Variants in VAV3 observed in about 807,000 individuals in gnomAD.
The protein encoded by VAV3 is vav guanine nucleotide exchange factor 3.
Under a neutral mutation model 131.2 loss-of-function variants are expected in VAV3, and 94 were observed. The observed-to-expected ratio is 0.72, with a 90% confidence interval of 0.61 to 0.85. VAV3 has a LOEUF of 0.85. VAV3 is among the 40% of genes least tolerant of loss of function. The pLI is 0.00. For missense variants in VAV3, 939 were observed against 1,002.7 expected (o/e 0.94, Z 0.86); for synonymous variants, 349 against 342.0 (o/e 1.02, Z -0.22).
chr1:107,820,698 T>C (rs1048964844), intron 2 of VAV3: 3 of 152,152 alleles, frequency 2.0e-5, no homozygotes, highest in Non-Finnish European at 4.4e-5. Context: ...TTAAGCCTTA[T>C]AGGTCTGTAT....
chr1:107,809,024 A>C (rs546629615), intron 2 of VAV3, among the ~76,000 whole-genome samples: 5 of 152,198 alleles, frequency 3.3e-5, no homozygotes, highest in Non-Finnish European at 5.9e-5. Context: ...AACTATTCAC[A>C]AGGCTGAGCG....
Position 107,843,486 on chromosome 1 carries a change from C to T in VAV3, c.321+31415G>A, listed in dbSNP as rs1210551734. On this transcript the variant is annotated intron_variant, in intron 2 of 26. Coordinates refer to ENST00000370056, the MANE Select transcript of VAV3 (RefSeq NM_006113.5). ...TCACTAATCATCTATAGACTTTTGTCTTAGAATTACACTGTTGAGATTAAA... is the reference window on the plus strand; with the variant it reads ...TCACTAATCATCTATAGACTTTTGTTTTAGAATTACACTGTTGAGATTAAA... Among the ~76,000 whole-genome samples the T allele has an allele frequency of 2.7e-5, 4 of 148,002 alleles. No individual in the cohort carries two copies. In the East Asian group the frequency reaches 7.9e-4, roughly 29 times the overall value.
At chr1:107,624,504 T>C (rs1557712415) in intron 20 of VAV3, among the ~76,000 whole-genome samples, 1 of 151,948 alleles carries the variant, frequency 6.6e-6, no homozygotes, top group Non-Finnish European at 1.5e-5. Flanking sequence ...ACCCACGTTG[T>C]TACTCAATAC....
intron 2 of VAV3, among the ~76,000 whole-genome samples, chr1:107,790,412 T>G (rs1193964031): frequency 1.3e-5 from 2 of 151,848 alleles, no homozygotes; most frequent in African/African-American, 4.8e-5. Flanking sequence ...CATGGCAGAG[T>G]TGGGAATCAG....
At chr1:107,900,766 A>G (rs1158928554) in intron 1 of VAV3, among the ~76,000 whole-genome samples, 1 of 149,960 alleles carries the variant, frequency 6.7e-6, no homozygotes, top group Admixed American at 6.6e-5. Context: ...AGGTTATTGC[A>G]TCACAATAGG....
intron 20 of VAV3, among the ~76,000 whole-genome samples, chr1:107,627,272 A>G (rs1052418989): frequency 2.0e-5 from 3 of 152,164 alleles, no homozygotes; most frequent in African/African-American, 7.2e-5. Flanking sequence ...GTCTTCCTCA[A>G]TCAAACCTGC....
At chr1:107,724,720 C>G (rs545541968) in intron 15 of VAV3, among the ~76,000 whole-genome samples, 1 of 152,046 alleles carries the variant, frequency 6.6e-6, no homozygotes, top group South Asian at 2.1e-4. Flanking sequence ...GAGAACAGAT[C>G]CCGAGCCAGT....
At chr1:107,622,647 G>T (rs1653695363) in intron 20 of VAV3, among the ~76,000 whole-genome samples, 1 of 152,172 alleles carries the variant, frequency 6.6e-6, no homozygotes, top group African/African-American at 2.4e-5. Flanking sequence ...ATGAACGATT[G>T]GAAATTCTCC....
At chr1:107,922,966 A>AG (rs1672983198) in intron 1 of VAV3, among the ~76,000 whole-genome samples, 2 of 15,178 alleles carry the variant, frequency 1.3e-4, no homozygotes, top group African/African-American at 2.0e-4. Flanking sequence ...AAAAAAAAGA[A>AG]AAAAAAAAAA....
chr1:107,889,317 T>C (rs572523725), intron 1 of VAV3, among the ~76,000 whole-genome samples: 1 of 152,216 alleles, frequency 6.6e-6, no homozygotes, highest in African/African-American at 2.4e-5. Context: ...AGAGAATGAC[T>C]ATCACTACCC....
At chr1:107,627,432 G>T (rs1330873236) in intron 20 of VAV3, among the ~76,000 whole-genome samples, 1 of 152,104 alleles carries the variant, frequency 6.6e-6, no homozygotes, top group Non-Finnish European at 1.5e-5. Flanking sequence ...ATGAGAATTG[G>T]GAAGGCAGAA....
chr1:107,781,988 CTGGAAT>C (rs1665716555), intron 2 of VAV3, among the ~76,000 whole-genome samples: 2 of 152,178 alleles, frequency 1.3e-5, no homozygotes, highest in African/African-American at 2.4e-5. Flanking sequence ...TGGGGAGGTT[CTGGAAT>C]AATCAGTACA....
rs548102174 is a variant in VAV3, at chr1:107,874,994, C to T, written c.228G>A (p.Arg76=). 12 of 1,613,168 alleles carry T rather than the reference C, an allele frequency of 7.4e-6. No individual in the cohort carries two copies. In the African/African-American group the frequency reaches 8.0e-5, roughly 11 times the overall value. Residue 76 remains arginine, a synonymous_variant, in exon 2 of 27, where the codon AGG becomes AGA. Coordinates refer to ENST00000370056, the MANE Select transcript of VAV3 (RefSeq NM_006113.5). ...MSQFLCLKNI[R]TFLTACCETF... ...TCTCACAACAGGCCGTGAGAAATGT[C>T]CTTATGTTCTTCAAACAGAGAAACT...
chr1:107,856,385 T>C (rs749710401), intron 2 of VAV3, among the ~76,000 whole-genome samples: 2 of 152,212 alleles, frequency 1.3e-5, no homozygotes, highest in Non-Finnish European at 2.9e-5. Flanking sequence ...AATTTTTACA[T>C]AGCAATTTTC....
rs1311828691 is a variant in VAV3, at chr1:107,578,702, G to A, written c.2351-4504C>T. ...CGGCTCACTGCAAGCTCCGCCTCCCGGGTTCACGCCATTCTCCTGCCTCAG... is the reference window on the plus strand; with the variant it reads ...CGGCTCACTGCAAGCTCCGCCTCCCAGGTTCACGCCATTCTCCTGCCTCAG... On this transcript the variant is annotated intron_variant, in intron 25 of 26. Coordinates refer to ENST00000370056, the MANE Select transcript of VAV3 (RefSeq NM_006113.5). 19 of 891,394 alleles carry A rather than the reference G, an allele frequency of 2.1e-5. No homozygotes were observed. The East Asian group carries it at 1.8e-3, about 84-fold the overall frequency. The allele number at this position is 891,394 out of a possible 1,614,324, so 55.2% of individuals were successfully genotyped here. A position where few individuals can be genotyped will look rare whatever the true frequency, so the allele number is the denominator to read the frequency against.
At chr1:107,903,866 A>G (rs1671983859) in intron 1 of VAV3, among the ~76,000 whole-genome samples, 1 of 152,048 alleles carries the variant, frequency 6.6e-6, no homozygotes, top group Non-Finnish European at 1.5e-5. Flanking sequence ...GTCATTCTTG[A>G]CCCCTTGTTC....
intron 15 of VAV3, among the ~76,000 whole-genome samples, chr1:107,716,992 T>C (rs759986100): frequency 1.3e-5 from 2 of 152,218 alleles, no homozygotes; most frequent in African/African-American, 2.4e-5. Context: ...CAGGAATTTA[T>C]CCATTTCTTC....
intron 1 of VAV3, among the ~76,000 whole-genome samples, chr1:107,920,257 A>ATT (rs1672831360): frequency 6.6e-6 from 1 of 152,228 alleles, no homozygotes; most frequent in Non-Finnish European, 1.5e-5. Context: ...CCATCTAAAG[A>ATT]TTTGCTTAAA....
In VAV3 at chr1:107,777,295, G is replaced by T; in HGVS notation, c.382C>A (p.Pro128Thr). 1 of 1,613,714 alleles carries T rather than the reference G, an allele frequency of 6.2e-7. No individual in the cohort carries two copies. The highest frequency in any genetic ancestry group is 8.5e-7 in the Non-Finnish European group (1 of 1,179,894). Reference protein sequence around the residue: ...TPIALATGIRPFPTEESINDE... With the variant: ...TPIALATGIRTFPTEESINDE... ...TTAATGCTTTCTTCTGTTGGGAAGG[G>T]CCTAGGAAGAGGAGAAAAAACAAAA... Residue 128 changes from proline (P) to threonine (T), a missense_variant and splice_region_variant, in exon 4 of 27, where the codon CCC becomes ACC. Coordinates refer to ENST00000370056, the MANE Select transcript of VAV3 (RefSeq NM_006113.5).
Sources: allele counts gnomAD v4.1 joint callset (sites outside exome capture counted in the v4.1 genomes callset), GRCh38; gene constraint gnomAD v4.1.1; transcripts MANE v1.5; gene names NCBI Gene and HGNC (gene_info 2026-07-23, HGNC 2026-07-21).